The following KAZN variants were observed in gnomAD, a reference collection of about 807,000 sequenced individuals.
The protein encoded by KAZN is kazrin, periplakin interacting protein.
A neutral mutation model predicts 87.4 loss-of-function variants in KAZN; 40 were observed. The observed-to-expected ratio is 0.46, with a 90% CI of 0.36 to 0.60. KAZN has a LOEUF of 0.60. Ranked by LOEUF, KAZN falls within the 20% of genes least tolerant of loss-of-function variation. KAZN has a pLI of 0.00. For missense variants in KAZN, 898 were observed against 1,073.9 expected, an observed-to-expected ratio of 0.84 and a Z score of 2.29; for synonymous variants, 466 against 458.3, an observed-to-expected ratio of 1.02 and a Z score of -0.22.
rs147925852 is a variant in KAZN, at chr1:15,044,033, G to A, written c.600G>A (p.Leu200=). ...AVKALAKEKD[L]LEREKWELRR... is the part of the protein sequence containing the mutation. ...AAGCGCTGGCCAAGGAGAAGGACCT[G>A]CTGGAGCGTGAGAAGTGGGAGCTGC... The change falls in exon 4 of 15, where the codon CTG becomes CTA. Residue 200 remains leucine, a synonymous_variant. Coordinates refer to ENST00000376030, the MANE Select transcript of KAZN (RefSeq NM_201628.3). 3 of 1,612,508 alleles carry A rather than the reference G, an allele frequency of 1.9e-6. No homozygotes were observed. In the East Asian group the frequency reaches 6.7e-5, roughly 36 times the overall value.
At chr1:14,613,116 C>A (rs1677951031) in intron 1 of KAZN, among the ~76,000 whole-genome samples, 1 of 152,108 alleles carries the variant, frequency 6.6e-6, no homozygotes, top group African/African-American at 2.4e-5. Context: ...GTTGAGTGTG[C>A]GTCCTAGCCT....
chr1:14,624,174 G>C (rs923115581), intron 1 of KAZN, among the ~76,000 whole-genome samples: 3 of 152,164 alleles, frequency 2.0e-5, no homozygotes, highest in Non-Finnish European at 2.9e-5. Context: ...TGAAATCCCA[G>C]CACTTTGGGA....
chr1:14,327,682 ACT>A (rs139121408), intron 2 of KAZN, among the ~76,000 whole-genome samples: 4,255 of 151,994 alleles, frequency 0.028, 221 homozygotes, highest in African/African-American at 0.097. Context: ...TGGTAGACTG[ACT>A]CTCCTCATCT....
intron 1 of KAZN, among the ~76,000 whole-genome samples, chr1:14,746,118 C>A (rs6429674): frequency 0.41 from 62,550 of 151,982 alleles, 13,323 homozygotes; most frequent in African/African-American, 0.51. Context: ...TAAGTTATCC[C>A]AGTTCAAAAT....
chr1:14,037,537 G>A (rs61777715), intron 1 of KAZN, among the ~76,000 whole-genome samples: 21,534 of 152,246 alleles, frequency 0.14, 1,931 homozygotes, highest in Middle Eastern at 0.25. Context: ...GAGTCCTGAT[G>A]TGCACAGCCC....
intron 2 of KAZN, among the ~76,000 whole-genome samples, chr1:14,235,955 G>A (rs1403223649): frequency 1.3e-5 from 2 of 151,998 alleles, no homozygotes; most frequent in African/African-American, 2.4e-5. Flanking sequence ...CCTACCCCAC[G>A]TTGCCCTGAC....
chr1:14,775,867 G>C (rs1249226606), intron 1 of KAZN, among the ~76,000 whole-genome samples: 2 of 152,216 alleles, frequency 1.3e-5, no homozygotes. Context: ...ACCGGGTCCA[G>C]TCTTTACACT....
intron 2 of KAZN, among the ~76,000 whole-genome samples, chr1:14,545,476 A>G (rs1301731784): frequency 1.3e-5 from 2 of 152,164 alleles, no homozygotes; most frequent in Non-Finnish European, 2.9e-5. Flanking sequence ...TGTACCCACA[A>G]TACTTCATCA....
At chr1:14,647,293 C>A (rs77213631) in intron 1 of KAZN, among the ~76,000 whole-genome samples, 1 of 152,194 alleles carries the variant, frequency 6.6e-6, no homozygotes, top group African/African-American at 2.4e-5. Flanking sequence ...AAAACCCACA[C>A]GCCTTCCATC....
intron 2 of KAZN, among the ~76,000 whole-genome samples, chr1:14,244,674 G>A (rs1315340906): frequency 6.6e-6 from 1 of 152,078 alleles, no homozygotes; most frequent in African/African-American, 2.4e-5. Flanking sequence ...GATCTTGGGG[G>A]AGGAAGAACA....
chr1:15,016,623 A>G (rs1670135396), intron 2 of KAZN, among the ~76,000 whole-genome samples: 1 of 152,096 alleles, frequency 6.6e-6, no homozygotes, highest in African/African-American at 2.4e-5. Flanking sequence ...AGATTGTGGC[A>G]ATGTGTTACG....
chr1:14,781,139 G>A (rs1375464704), intron 1 of KAZN, among the ~76,000 whole-genome samples: 7 of 152,068 alleles, frequency 4.6e-5, no homozygotes, highest in Admixed American at 2.6e-4. Flanking sequence ...TGGCTAACAC[G>A]GTGAAACCCC....
intron 6 of KAZN, chr1:15,063,093 C>G (rs1638931348): frequency 5.9e-6 from 1 of 168,396 alleles, no homozygotes; most frequent in African/African-American, 2.4e-5. Context: ...GTCCTGCCTG[C>G]CCCTGCGCAA....
chr1:14,507,979 A>T (rs566990510), intron 2 of KAZN, among the ~76,000 whole-genome samples: 30 of 135,842 alleles, frequency 2.2e-4, no homozygotes, highest in East Asian at 7.9e-4. Context: ...AAAAATAAAT[A>T]AAAAAAAAAA....
chr1:14,977,843 C>T (rs1377326101), intron 2 of KAZN, among the ~76,000 whole-genome samples: 6 of 150,160 alleles, frequency 4.0e-5, no homozygotes, highest in African/African-American at 1.2e-4. Flanking sequence ...GACTGTTGGC[C>T]GTTGTCTCTT....
chr1:15,075,980 G>A (rs937717336), intron 8 of KAZN, among the ~76,000 whole-genome samples: 2 of 152,214 alleles, frequency 1.3e-5, no homozygotes, highest in Non-Finnish European at 2.9e-5. Context: ...ACAGGCCAGA[G>A]ATGTCAGAGT....
chr1:14,895,225 G>A (rs970704068), intron 1 of KAZN, among the ~76,000 whole-genome samples: 1 of 152,204 alleles, frequency 6.6e-6, no homozygotes, highest in Non-Finnish European at 1.5e-5. Flanking sequence ...CAGCCATGGG[G>A]GCTGTCTTTG....
chr1:14,402,088 TAAAAAA>T (rs36103725), intron 2 of KAZN, among the ~76,000 whole-genome samples: 1 of 150,338 alleles, frequency 6.7e-6, no homozygotes, highest in African/African-American at 2.4e-5. Context: ...TGAGTCTATG[TAAAAAA>T]AAAAAAGAGA....
chr1:14,388,226 G>A lies in KAZN; in HGVS notation c.249+207634G>A, dbSNP rs533589359. Among the ~76,000 whole-genome samples, 413 of 152,258 alleles carry A rather than the reference G, an allele frequency of 2.7e-3. 2 individuals are homozygous for A. Among genetic ancestry groups the A allele is most frequent in the African/African-American group, 9.1e-3 (378 of 41,540 alleles). On this transcript the variant is annotated intron_variant, in intron 2 of 16. Transcript: ENST00000636203. ...TGCGCCCACTGTCTGGCACTCCCTA[G>A]TGAGATGAACCCGGTACCTCAGATG...
Sources: allele counts gnomAD v4.1 joint callset (sites outside exome capture counted in the v4.1 genomes callset), GRCh38; gene constraint gnomAD v4.1.1; transcripts MANE v1.5; gene names NCBI Gene and HGNC (gene_info 2026-07-23, HGNC 2026-07-21).